BRINP3: variants seen among roughly 807,000 people sequenced by gnomAD.
BRINP3 encodes the protein BMP/retinoic acid-inducible neural-specific protein 3.
In BRINP3, 19 loss-of-function variants were observed where a neutral mutation model predicts 71.0. That is an observed-to-expected ratio of 0.27 (90% CI 0.19 to 0.39). The LOEUF (loss-of-function observed/expected upper bound fraction) is 0.39. Ranked by LOEUF, BRINP3 falls within the 10% of genes least tolerant of loss-of-function variation. The pLI, the probability that BRINP3 is intolerant of heterozygous loss-of-function variation, is 1.00. For synonymous variants in BRINP3, 380 were observed against 337.7 expected (o/e 1.13, Z -1.37); for missense variants, 959 against 940.8 (o/e 1.02, Z -0.25).
intron 4 of BRINP3, among the ~76,000 whole-genome samples, chr1:190,253,489 T>A (rs1030267400): frequency 1.3e-5 from 2 of 152,216 alleles, no homozygotes; most frequent in African/African-American, 4.8e-5. Context: ...AAATGGTATC[T>A]CAATGTGGTT....
At chr1:190,473,239 A>G (rs538307500) in intron 1 of BRINP3, among the ~76,000 whole-genome samples, 1 of 152,104 alleles carries the variant, frequency 6.6e-6, no homozygotes, top group East Asian at 1.9e-4. Context: ...GTATTAGGGA[A>G]TTAGAATTCA....
intron 2 of BRINP3, among the ~76,000 whole-genome samples, chr1:190,291,567 T>G (rs1304908826): frequency 6.6e-6 from 1 of 152,304 alleles, no homozygotes; most frequent in East Asian, 1.9e-4. Flanking sequence ...TCAACATCAC[T>G]AATCATCAGG....
chr1:190,160,620 CT>C, intron 7 of BRINP3, 47 bp downstream of exon 7: 1 of 1,528,004 alleles, frequency 6.5e-7, no homozygotes, highest in South Asian at 1.2e-5. Context: ...ATAGAACTCA[CT>C]TTTTCGGCAA....
chr1:190,427,710 A>C (rs574101928), intron 2 of BRINP3, among the ~76,000 whole-genome samples: 1 of 152,126 alleles, frequency 6.6e-6, no homozygotes, highest in Admixed American at 6.6e-5. Flanking sequence ...GGTCTTCAAA[A>C]CAGTAAAATA....
chr1:190,282,443 A>C (rs1049563121), intron 2 of BRINP3, among the ~76,000 whole-genome samples: 1 of 151,960 alleles, frequency 6.6e-6, no homozygotes, highest in African/African-American at 2.4e-5. Context: ...TCTGATAATA[A>C]ATTAGAAAAG....
chr1:190,254,651 T>C (rs1469701693), intron 4 of BRINP3, among the ~76,000 whole-genome samples: 1 of 152,224 alleles, frequency 6.6e-6, no homozygotes. Context: ...TGAAGTTGCT[T>C]ATCAGCTTAA....
intron 4 of BRINP3, among the ~76,000 whole-genome samples, chr1:190,249,096 T>C (rs1025380503): frequency 1.3e-5 from 2 of 151,804 alleles, no homozygotes; most frequent in African/African-American, 2.4e-5. Context: ...ACTGCAAGAA[T>C]ATTAGAATAC....
At chr1:190,165,528 C>T (rs563190504) in intron 6 of BRINP3, among the ~76,000 whole-genome samples, 2 of 130,492 alleles carry the variant, frequency 1.5e-5, no homozygotes, top group South Asian at 2.5e-4. Flanking sequence ...TTGGTTTAGA[C>T]GCAATACTAA....
At chr1:190,251,805 C>CAAA (rs35452757) in intron 4 of BRINP3, among the ~76,000 whole-genome samples, 1 of 145,102 alleles carries the variant, frequency 6.9e-6, no homozygotes. Flanking sequence ...CAACAACAAC[C>CAAA]AAAAAAAAAA....
At chr1:190,224,470 C>A (rs1340033974) in intron 6 of BRINP3, among the ~76,000 whole-genome samples, 1 of 151,584 alleles carries the variant, frequency 6.6e-6, no homozygotes, top group African/African-American at 2.4e-5. Context: ...TCACCATACA[C>A]AAAAATCAAA....
At chr1:190,359,371 T>G (rs1009384544) in intron 2 of BRINP3, among the ~76,000 whole-genome samples, 1 of 152,014 alleles carries the variant, frequency 6.6e-6, no homozygotes, top group Non-Finnish European at 1.5e-5. Context: ...TGATTTAAGG[T>G]ACAGACATTG....
intron 6 of BRINP3, among the ~76,000 whole-genome samples, chr1:190,179,685 T>G (rs1430502881): frequency 6.6e-6 from 1 of 152,144 alleles, no homozygotes; most frequent in Non-Finnish European, 1.5e-5. Context: ...AAAATTTGCT[T>G]TGCATATAAA....
chr1:190,151,536 ACT>A (rs1235531013), intron 7 of BRINP3, among the ~76,000 whole-genome samples: 1 of 152,150 alleles, frequency 6.6e-6, no homozygotes, highest in Non-Finnish European at 1.5e-5. Context: ...ACTTAAAGTA[ACT>A]CTCTCTATAT....
chr1:190,477,671 G>C lies in BRINP3; in HGVS notation c.-274C>G, dbSNP rs766335571. ...GCAGAATGTGAAAATGCTTTATATG[G>C]GGGGGTGGGGAATGGTGGGGGGTGA... On this transcript the variant is annotated 5_prime_UTR_variant, in exon 1 of 8. Transcript: ENST00000367462. 1 of 151,478 alleles carries C rather than the reference G, an allele frequency of 6.6e-6. No homozygotes were observed. The highest frequency in any genetic ancestry group is 2.4e-5 in the African/African-American group (1 of 40,880). 9.4% of individuals were successfully genotyped at this position (151,478 alleles called of 1,614,324 possible).
chr1:190,223,574 A>T (rs1277213496), intron 6 of BRINP3, among the ~76,000 whole-genome samples: 1 of 151,854 alleles, frequency 6.6e-6, no homozygotes, highest in African/African-American at 2.4e-5. Context: ...GAGAAAAATA[A>T]TTTTTTCTTA....
At chr1:190,139,178 G>A (rs574209878) in intron 7 of BRINP3, among the ~76,000 whole-genome samples, 42 of 151,790 alleles carry the variant, frequency 2.8e-4, no homozygotes, top group Admixed American at 2.5e-3. Context: ...GCCCGGAGCC[G>A]TGGCTCACAC....
At chr1:190,377,144 C>T (rs767788484) in intron 2 of BRINP3, among the ~76,000 whole-genome samples, 3 of 151,840 alleles carry the variant, frequency 2.0e-5, no homozygotes, top group South Asian at 2.1e-4. Context: ...ATAAAGTGCA[C>T]CTCTAAAGCA....
At chr1:190,111,100 C>T (rs968819209) in intron 7 of BRINP3, among the ~76,000 whole-genome samples, 1 of 147,872 alleles carries the variant, frequency 6.8e-6, no homozygotes, top group Non-Finnish European at 1.5e-5. Flanking sequence ...ATGGAGTGAA[C>T]CCGGGAGGCG....
chr1:190,228,985 T>C (rs1657676932), intron 5 of BRINP3, among the ~76,000 whole-genome samples: 1 of 151,980 alleles, frequency 6.6e-6, no homozygotes, highest in African/African-American at 2.4e-5. Flanking sequence ...ATGTTTCCGG[T>C]GTGAAAGGAC....
Sources: gnomAD v4.1 joint callset for allele counts (sites outside exome capture counted in the v4.1 genomes callset) on GRCh38, gnomAD v4.1.1 for gene constraint, MANE v1.5 for transcripts, NCBI Gene and HGNC (gene_info 2026-07-23, HGNC 2026-07-21) for gene names.